The following CNTN4 variants were observed in gnomAD, a reference collection of about 807,000 sequenced individuals.
CNTN4 encodes contactin-4.
A neutral mutation model predicts 122.5 loss-of-function variants in CNTN4; 77 were observed. The ratio of observed to expected loss-of-function variants is 0.63; its 90% CI spans 0.52 to 0.76. The LOEUF (loss-of-function observed/expected upper bound fraction) is 0.76, where lower values mean the gene tolerates loss of function less well. Among genes scored for constraint, CNTN4 ranks in the 30% least tolerant of loss-of-function variants. The pLI is 0.00. For missense variants in CNTN4, 1,256 were observed against 1,259.1 expected, an observed-to-expected ratio of 1.00 and a Z score of 0.04; for synonymous variants, 512 against 447.0, an observed-to-expected ratio of 1.15 and a Z score of -1.83.
chr3:2,420,590 C>T (rs560908391), intron 3 of CNTN4, among the ~76,000 whole-genome samples: 1 of 152,138 alleles, frequency 6.6e-6, no homozygotes, highest in African/African-American at 2.4e-5. Context: ...CATGCACTAC[C>T]ATGCCCACCT....
intron 4 of CNTN4, among the ~76,000 whole-genome samples, chr3:2,575,612 C>G (rs1006158027): frequency 6.6e-6 from 1 of 152,014 alleles, no homozygotes; most frequent in Non-Finnish European, 1.5e-5. Context: ...TTAAATGTCC[C>G]CAGGACCCAC....
At position 2,781,716 on chromosome 3, in the gene CNTN4, A is replaced by ATT. The variant is rs59896254; in HGVS notation, c.358+36044_358+36045dup. Among the ~76,000 whole-genome samples, 204 of 85,936 alleles carry ATT rather than the reference A, an allele frequency of 2.4e-3. 8 individuals carry two copies. Among genetic ancestry groups the ATT allele is most frequent in the African/African-American group, 7.6e-3 (146 of 19,112 alleles). The allele number at this position is 85,936 out of a possible 152,430, so 56.4% of individuals were successfully genotyped here. A position where few individuals can be genotyped will look rare whatever the true frequency, so the allele number is the denominator to read the frequency against. On this transcript the variant is annotated intron_variant, in intron 6 of 24. Transcript: ENST00000418658. ...GGGGGTGCTTCCAGGCTTTGGGTAA[A>ATT]TTTTTTTTTTTTTTTTTTTTTTTTT...
At chr3:2,679,090 G>A (rs1030789358) in intron 4 of CNTN4, among the ~76,000 whole-genome samples, 9 of 152,136 alleles carry the variant, frequency 5.9e-5, no homozygotes, top group South Asian at 2.1e-4. Flanking sequence ...TCTTCAATGA[G>A]GTGCTTAATT....
intron 2 of CNTN4, among the ~76,000 whole-genome samples, chr3:2,162,874 G>A (rs1378796105): frequency 1.3e-5 from 2 of 152,056 alleles, no homozygotes; most frequent in Admixed American, 6.6e-5. Flanking sequence ...AGGCGGGTGG[G>A]TGGCTTGAGT....
chr3:2,568,317 G>GAAAAAAAA (rs770465722), intron 3 of CNTN4, among the ~76,000 whole-genome samples: 1 of 71,034 alleles, frequency 1.4e-5, no homozygotes, highest in Non-Finnish European at 2.6e-5. Flanking sequence ...GCAAGAATGT[G>GAAAAAAAA]AAAAAAAAAA....
chr3:2,709,209 A>T lies in CNTN4; in HGVS notation c.56-27006A>T, dbSNP rs1363277625. Among the ~76,000 whole-genome samples the T allele has an allele frequency of 6.6e-6, 1 of 152,224 alleles. No individual in the cohort carries two copies. Among genetic ancestry groups the T allele is most frequent in the Admixed American group, 6.5e-5 (1 of 15,278 alleles). Reference sequence around the variant, plus strand: ...AGACAAAACCAAATTTTATTGGTAAAAATAACTATTTCTTTTAGAATAAAG... The same window carrying T: ...AGACAAAACCAAATTTTATTGGTAATAATAACTATTTCTTTTAGAATAAAG... On this transcript the variant is annotated intron_variant, in intron 4 of 24. Coordinates refer to ENST00000418658, the MANE Select transcript of CNTN4 (RefSeq NM_175607.3). The surrounding 1 kb of genome is among the most constrained non-coding windows in gnomAD (Gnocchi z 5.0).
intron 2 of CNTN4, among the ~76,000 whole-genome samples, chr3:2,134,322 T>C (rs531057703): frequency 2.4e-4 from 37 of 152,180 alleles, no homozygotes; most frequent in Non-Finnish European, 4.9e-4. Flanking sequence ...GCTGAACGAG[T>C]CTCCTAGGTG....
chr3:2,808,761 C>G (rs937592725), intron 6 of CNTN4, among the ~76,000 whole-genome samples: 1 of 150,682 alleles, frequency 6.6e-6, no homozygotes, highest in Non-Finnish European at 1.5e-5. Context: ...TCTTAGCTTT[C>G]CACTTAAGGA....
At chr3:2,454,861 G>A (rs2048939714) in intron 3 of CNTN4, among the ~76,000 whole-genome samples, 2 of 152,158 alleles carry the variant, frequency 1.3e-5, no homozygotes. Context: ...TTATCCTGGA[G>A]TGAGATGAAA....
intron 2 of CNTN4, among the ~76,000 whole-genome samples, chr3:2,335,382 C>T (rs2043908181): frequency 1.3e-5 from 2 of 151,998 alleles, no homozygotes; most frequent in South Asian, 4.2e-4. Flanking sequence ...CTCAGTCTAG[C>T]CTCAAAACAA....
At chr3:2,848,022 G>A (rs1235516134) in intron 7 of CNTN4, among the ~76,000 whole-genome samples, 1 of 152,142 alleles carries the variant, frequency 6.6e-6, no homozygotes, top group Non-Finnish European at 1.5e-5. Flanking sequence ...ACTTCGGGAG[G>A]CTGAGGCAGG....
chr3:2,609,485 C>G (rs1191156208), intron 4 of CNTN4, among the ~76,000 whole-genome samples: 8 of 152,118 alleles, frequency 5.3e-5, no homozygotes, highest in Admixed American at 1.3e-4. Context: ...TTTGTTATAG[C>G]AGCAGGAATG....
At chr3:2,875,389 G>C (rs915607060) in intron 8 of CNTN4, among the ~76,000 whole-genome samples, 1 of 152,186 alleles carries the variant, frequency 6.6e-6, no homozygotes, top group Non-Finnish European at 1.5e-5. Context: ...GAAATTTCTT[G>C]TAGTTCTAAT....
At chr3:2,195,367 A>C (rs2149359575) in intron 2 of CNTN4, among the ~76,000 whole-genome samples, 1 of 152,330 alleles carries the variant, frequency 6.6e-6, no homozygotes, top group South Asian at 2.1e-4. Flanking sequence ...CATTGTGAAA[A>C]ATGCTTCAAT....
At chr3:2,808,018 A>G (rs2092511307) in intron 6 of CNTN4, among the ~76,000 whole-genome samples, 1 of 152,126 alleles carries the variant, frequency 6.6e-6, no homozygotes, top group Non-Finnish European at 1.5e-5. Flanking sequence ...CATCGTATCC[A>G]CTACCACTAA....
intron 2 of CNTN4, among the ~76,000 whole-genome samples, chr3:2,154,183 G>A (rs887119898): frequency 3.9e-5 from 6 of 151,906 alleles, no homozygotes; most frequent in Admixed American, 6.6e-5. Flanking sequence ...TCAAGAGTTC[G>A]AGACCAGCAT....
At chr3:2,803,088 G>A (rs2092386195) in intron 6 of CNTN4, among the ~76,000 whole-genome samples, 1 of 152,134 alleles carries the variant, frequency 6.6e-6, no homozygotes, top group Admixed American at 6.6e-5. Context: ...ACTCCAATGA[G>A]TCAGTAAGAA....
chr3:2,181,721 A>G (rs2037024596), intron 2 of CNTN4, among the ~76,000 whole-genome samples: 1 of 152,120 alleles, frequency 6.6e-6, no homozygotes, highest in Admixed American at 6.6e-5. Context: ...TTCAACTACC[A>G]TATTGTCCTT....
intron 3 of CNTN4, among the ~76,000 whole-genome samples, chr3:2,441,157 C>T (rs1248072286): frequency 6.6e-6 from 1 of 151,864 alleles, no homozygotes; most frequent in Admixed American, 6.6e-5. Context: ...TAAAGTGTCA[C>T]TAAAGACAAA....
Sources: gnomAD v4.1 joint callset for allele counts (sites outside exome capture counted in the v4.1 genomes callset) on GRCh38, gnomAD v4.1.1 for gene constraint, Gnocchi (gnomAD v3.1) non-coding constraint, MANE v1.5 for transcripts, NCBI Gene and HGNC (gene_info 2026-07-23, HGNC 2026-07-21) for gene names.